UGT2B11: variants seen among roughly 807,000 people sequenced by gnomAD.
UGT2B11 encodes the protein UDP glucuronosyltransferase family 2 member B11.
UGT2B11 carries 49 observed loss-of-function variants against 51.7 expected under a neutral mutation model. The ratio of observed to expected loss-of-function variants is 0.95; its 90% CI spans 0.75 to 1.20. The LOEUF (loss-of-function observed/expected upper bound fraction) is 1.20. Among genes scored for constraint, UGT2B11 ranks in the 50% most tolerant of loss-of-function variants. The pLI, the probability that UGT2B11 is intolerant of heterozygous loss-of-function variation, is 0.00. For missense variants in UGT2B11, 810 were observed against 622.1 expected (o/e 1.30, Z -3.21); for synonymous variants, 273 against 209.0 (o/e 1.31, Z -2.64).
At chr4:69,215,679 C>A (rs552724911), upstream of UGT2B11, 3 of 151,816 alleles carry the variant, frequency 2.0e-5, no homozygotes, top group African/African-American at 7.3e-5. Context: ...GTAAATATAA[C>A]CTTTTGAGGA....
chr4:69,200,106 A>G lies in UGT2B11; in HGVS notation c.*334T>C, dbSNP rs530961616. 10 of 190,856 alleles carry G rather than the reference A, an allele frequency of 5.2e-5. No homozygotes were observed. Among genetic ancestry groups the G allele is most frequent in the Admixed American group, 2.3e-4 (4 of 17,678 alleles). 11.8% of individuals were successfully genotyped at this position (190,856 alleles called of 1,614,324 possible). A position where few individuals can be genotyped will look rare whatever the true frequency, so the allele number is the denominator to read the frequency against. ...ATGTAAAATGTGTGAAATATAGTTA[A>G]GCTGAGTAAATTTTTTCATGTAACT... On this transcript the variant is annotated 3_prime_UTR_variant, in exon 6 of 6. Coordinates refer to ENST00000446444, the MANE Select transcript of UGT2B11 (RefSeq NM_001073.3).
In UGT2B11 at chr4:69,204,340, T is replaced by A. The variant is rs1721768538; in HGVS notation, c.1310+90A>T. Reference sequence around the variant, plus strand: ...ATCATTTAAATTCTTTCAAGATTACTCTCTTATAAAAAGGATGAAACTCAT... The same window carrying A: ...ATCATTTAAATTCTTTCAAGATTACACTCTTATAAAAAGGATGAAACTCAT... On this transcript the variant is annotated intron_variant, in intron 5 of 5. Transcript: ENST00000446444. 5.2e-6 allele frequency: 8 copies of A among 1,536,310 alleles called. No individual in the cohort carries two copies. In the South Asian group the frequency reaches 9.9e-5, roughly 19 times the overall value.
rs922321210 is a variant in UGT2B11 at position 69,214,428 on chromosome 4, C to G, written c.295G>C (p.Asp99His). 14 of 1,612,996 alleles carry G rather than the reference C, an allele frequency of 8.7e-6. No individual in the cohort carries two copies. The highest frequency in any genetic ancestry group is 1.2e-5 in the Non-Finnish European group (14 of 1,179,518). ...AACCAAAAGCTATCTTTTCGAATGT[C>G]TGACCATCTCTTAACCTGTTGCATG... ...IIMQQVKRWSDIRKDSFWLYF... is the reference protein window; with the variant it reads ...IIMQQVKRWSHIRKDSFWLYF... Residue 99 changes from aspartate to histidine, a missense_variant, in exon 1 of 6, where the codon GAC (aspartate) becomes CAC (histidine). Transcript: ENST00000446444.
chr4:69,206,611 C>T (rs1394089286), intron 3 of UGT2B11, among the ~76,000 whole-genome samples: 11 of 151,346 alleles, frequency 7.3e-5, no homozygotes, highest in Admixed American at 3.3e-4. Context: ...TGCACATGTA[C>T]TCCTGAACTT....
chr4:69,204,876 C>G (rs1012383010), intron 4 of UGT2B11, among the ~76,000 whole-genome samples: 2 of 151,620 alleles, frequency 1.3e-5, no homozygotes, highest in Non-Finnish European at 3.0e-5. Context: ...TTCAGTTGGA[C>G]TAATGAAAAG....
intron 1 of UGT2B11, 51 bp from the exon 2 acceptor site, chr4:69,212,772 A>G (rs753094610): frequency 6.4e-7 from 1 of 1,558,844 alleles, no homozygotes; most frequent in Non-Finnish European, 8.6e-7. Context: ...TAATTACTTT[A>G]CATACCTTTC....
the UGT2B11 span, among the ~76,000 whole-genome samples, chr4:69,220,179 C>T: frequency 1.3e-5 from 2 of 152,116 alleles, no homozygotes; most frequent in Non-Finnish European, 2.9e-5. Flanking sequence ...ACAGTCATTG[C>T]CAAAATGATC....
intron 1 of UGT2B11, 35 bp from the exon 2 acceptor site, chr4:69,212,756 G>A: frequency 6.3e-7 from 1 of 1,584,610 alleles, no homozygotes; most frequent in Non-Finnish European, 8.5e-7. Flanking sequence ...AGTGGATGAT[G>A]TAAGATAATT....
At chr4:69,205,834 T>C in intron 3 of UGT2B11, 1 of 339,084 alleles carries the variant, frequency 2.9e-6, no homozygotes, top group Non-Finnish European at 5.2e-6. Flanking sequence ...GTTACACTTT[T>C]TAAAAGAAGA....
upstream of UGT2B11, among the ~76,000 whole-genome samples, chr4:69,217,214 T>C (rs539665441): frequency 6.6e-6 from 1 of 152,252 alleles, no homozygotes; most frequent in African/African-American, 2.4e-5. Flanking sequence ...GTTTCACAGA[T>C]TGTCTTGTAA....
At chr4:69,222,083 A>G in the UGT2B11 span, among the ~76,000 whole-genome samples, 2 of 152,288 alleles carry the variant, frequency 1.3e-5, no homozygotes, top group Non-Finnish European at 2.9e-5. Flanking sequence ...TCTGAGGGCC[A>G]TGACTAAGGC....
chr4:69,213,889 A>C lies in UGT2B11; in HGVS notation c.721+113T>G, dbSNP rs1020774034. On this transcript the variant is annotated intron_variant, in intron 1 of 5. Transcript: ENST00000446444. ...ATAGATCATCTTGTATTTTCATTTC[A>C]TAAATTCACTTACCAAAAACTCCAC... 11 of 1,380,760 alleles carry C rather than the reference A, an allele frequency of 8.0e-6. No individual in the cohort carries two copies. The East Asian group carries it at 2.5e-4, about 31-fold the overall frequency. 85.5% of individuals were successfully genotyped at this position (1,380,760 alleles called of 1,614,324 possible). A position where few individuals can be genotyped will look rare whatever the true frequency, so the allele number is the denominator to read the frequency against.
intron 2 of UGT2B11, chr4:69,211,244 A>G (rs1722050698): frequency 6.6e-6 from 1 of 151,600 alleles, no homozygotes; most frequent in African/African-American, 2.4e-5. Flanking sequence ...GTTTGTCTGC[A>G]CATATTTGAG....
intron 4 of UGT2B11, among the ~76,000 whole-genome samples, chr4:69,204,914 A>G (rs1454995408): frequency 6.6e-6 from 1 of 151,710 alleles, no homozygotes; most frequent in African/African-American, 2.4e-5. Context: ...AAATGTGCAC[A>G]AAAGAGGACA....
At position 69,200,896 on chromosome 4, in the gene UGT2B11, T is replaced by G. The variant is rs1409495755; in HGVS notation, c.1311-177A>C. Among the ~76,000 whole-genome samples the G allele has an allele frequency of 2.6e-5, 4 of 151,840 alleles. No homozygotes were observed. The South Asian group carries it at 6.2e-4, about 24-fold the overall frequency. On this transcript the variant is annotated intron_variant, in intron 5 of 5. Coordinates refer to ENST00000446444, the MANE Select transcript of UGT2B11 (RefSeq NM_001073.3). ...AGATAGTTTGGCTTTTAAATTGGAC[T>G]TTTCTCATTGACAAACATTTTTAAA...
intron 5 of UGT2B11, among the ~76,000 whole-genome samples, chr4:69,202,980 C>A (rs1276977996): frequency 6.6e-6 from 1 of 151,554 alleles, no homozygotes; most frequent in Non-Finnish European, 1.5e-5. Flanking sequence ...GGTAATTTTT[C>A]ACATTGTTAT....
chr4:69,208,128 G>A (rs115055785), intron 3 of UGT2B11, among the ~76,000 whole-genome samples: 4,538 of 151,548 alleles, frequency 0.03, 203 homozygotes, highest in African/African-American at 0.1. Context: ...ACTAATAGGA[G>A]CCACTCATGA....
Position 69,204,549 on chromosome 4 carries a change from A to G in UGT2B11, c.1191T>C (p.Phe397=), listed in dbSNP as rs760333531. The change falls in exon 5 of 6, where the codon TTT becomes TTC. Residue 397 remains phenylalanine (F), a synonymous_variant. Coordinates refer to ENST00000446444, the MANE Select transcript of UGT2B11 (RefSeq NM_001073.3). ...GIPMVGIPLF[F]DQPDNIAHMK... is the part of the protein sequence containing the mutation. Reference sequence around the variant, plus strand: ...TGTGAGCAATGTTATCAGGTTGATCAAAAAACAATGGAATGCCCACCATAG... The same window carrying G: ...TGTGAGCAATGTTATCAGGTTGATCGAAAAACAATGGAATGCCCACCATAG... 4 of 1,612,262 alleles carry G rather than the reference A, an allele frequency of 2.5e-6. No individual in the cohort carries two copies. Among genetic ancestry groups the G allele is most frequent in the East Asian group, 4.5e-5 (2 of 44,762 alleles).
chr4:69,214,787 A>C, upstream of UGT2B11: 1 of 1,548,198 alleles, frequency 6.5e-7, no homozygotes, highest in Non-Finnish European at 8.7e-7. Context: ...TACAGAGATA[A>C]ATCAATCAAG....
Sources: gnomAD v4.1 joint callset for allele counts (sites outside exome capture counted in the v4.1 genomes callset) on GRCh38, gnomAD v4.1.1 for gene constraint, MANE v1.5 for transcripts, NCBI Gene and HGNC (gene_info 2026-07-23, HGNC 2026-07-21) for gene names.